Variants in NOL4L observed in about 807,000 individuals in gnomAD.
The protein encoded by NOL4L is nucleolar protein 4-like.
Under a neutral mutation model 64.5 loss-of-function variants are expected in NOL4L, and 7 were observed. The observed-to-expected ratio is 0.11, with a 90% CI of 0.06 to 0.20. The LOEUF (loss-of-function observed/expected upper bound fraction) is 0.20, where lower values mean the gene tolerates loss of function less well. NOL4L is among the 10% of genes least tolerant of loss of function. The pLI, the probability that NOL4L is intolerant of heterozygous loss-of-function variation, is 1.00. For synonymous variants in NOL4L, 413 were observed against 401.0 expected (o/e 1.03, Z -0.36); for missense variants, 680 against 967.1 (o/e 0.70, Z 3.94).
At chr20:32,576,894 G>A (rs1269748174) in intron 1 of NOL4L, among the ~76,000 whole-genome samples, 1 of 152,200 alleles carries the variant, frequency 6.6e-6, no homozygotes, top group East Asian at 1.9e-4. Context: ...CTCACTAAAG[G>A]CGAGAGGGCA....
intron 1 of NOL4L, among the ~76,000 whole-genome samples, chr20:32,534,103 T>C (rs928610327): frequency 1.3e-5 from 2 of 152,222 alleles, no homozygotes; most frequent in Admixed American, 1.3e-4. Context: ...TGCCATTTAG[T>C]GTGCCACCAT....
At chr20:32,549,295 G>A (rs865844859) in intron 1 of NOL4L, among the ~76,000 whole-genome samples, 2 of 152,008 alleles carry the variant, frequency 1.3e-5, no homozygotes, top group African/African-American at 2.4e-5. Context: ...TTTTTTTAAC[G>A]GGCAAGGATC....
intron 1 of NOL4L, among the ~76,000 whole-genome samples, chr20:32,562,284 C>T (rs1979072995): frequency 6.6e-6 from 1 of 152,188 alleles, no homozygotes; most frequent in African/African-American, 2.4e-5. Context: ...GCTTCACTGT[C>T]TCAGCCACTA....
intron 4 of NOL4L, among the ~76,000 whole-genome samples, chr20:32,488,786 CCTTCCTTTCTTTCTTTCT>C (rs2016241151): frequency 5.5e-5 from 3 of 54,650 alleles, no homozygotes; most frequent in African/African-American, 4.1e-4. Flanking sequence ...TTCCTTCCTT[CCTTCCTTTCTTTCTTTCT>C]TTTTCTTTCT....
At chr20:32,578,814 T>C (rs1446388929) in intron 1 of NOL4L, among the ~76,000 whole-genome samples, 1 of 152,234 alleles carries the variant, frequency 6.6e-6, no homozygotes. Flanking sequence ...CCATAGGCCC[T>C]GGCCCCCTCA....
chr20:32,520,278 T>G (rs2017874173), intron 3 of NOL4L: 1 of 133,756 alleles, frequency 7.5e-6, no homozygotes, highest in South Asian at 2.4e-4. Context: ...AGAGCGAGAC[T>G]TTGTCTCAAA....
At chr20:32,551,749 A>G (rs1284532309) in intron 1 of NOL4L, among the ~76,000 whole-genome samples, 3 of 152,098 alleles carry the variant, frequency 2.0e-5, no homozygotes, top group African/African-American at 7.2e-5. Context: ...CAATGGTTGC[A>G]CATCTCTGAA....
In NOL4L at chr20:32,453,952, T is replaced by C. The variant is rs1250083907; in HGVS notation, c.1120-191A>G. ...TTCATCTGTGCAATGGGGACAGCAA[T>C]GCTACCACCTCCCTCCCTGGGCTGC... On this transcript the variant is annotated intron_variant, in intron 6 of 10. Transcript: ENST00000621426. The surrounding 1 kb of genome is among the most constrained non-coding windows in gnomAD (Gnocchi z 5.6). The C allele has an allele frequency of 1.7e-6, 1 of 603,492 alleles. No individual in the cohort carries two copies. Among genetic ancestry groups the C allele is most frequent in the Non-Finnish European group, 2.9e-6 (1 of 341,098 alleles). 37.4% of individuals were successfully genotyped at this position (603,492 alleles called of 1,614,324 possible).
rs386393630 is a variant in NOL4L at position 32,447,403 on chromosome 20, CAAAAAAAAA to C, written c.*184_*192del. The C allele has an allele frequency of 2.3e-3, 352 of 151,766 alleles. No individual in the cohort carries two copies. The highest frequency in any genetic ancestry group is 0.011 in the Middle Eastern group (6 of 570). The allele number at this position is 151,766 out of a possible 1,614,324, so 9.4% of individuals were successfully genotyped here. ...TCAGAGCACCCGTGTGGTGAGATTC[CAAAAAAAAA>C]AAAAAAAAAAAAAAAAAGTGTCCTT... is the stretch of plus-strand genomic sequence containing the variant. On this transcript the variant is annotated 3_prime_UTR_variant, in exon 11 of 11. Transcript: ENST00000621426.
At chr20:32,577,829 G>A (rs898512137) in intron 1 of NOL4L, among the ~76,000 whole-genome samples, 2 of 152,092 alleles carry the variant, frequency 1.3e-5, no homozygotes, top group African/African-American at 2.4e-5. Context: ...GGACTTGGCT[G>A]GGTGCCTCGT....
At chr20:32,552,918 C>T (rs1388985131) in intron 1 of NOL4L, among the ~76,000 whole-genome samples, 1 of 152,164 alleles carries the variant, frequency 6.6e-6, no homozygotes, top group Non-Finnish European at 1.5e-5. Flanking sequence ...GCAGGGGAAT[C>T]GCTTGAATCT....
rs750044337 is a variant in NOL4L at position 32,527,673 on chromosome 20, C to A, written c.477+85G>T. The A allele has an allele frequency of 2.4e-4, 339 of 1,442,038 alleles. 1 individual carries two copies. Among genetic ancestry groups the A allele is most frequent in the Non-Finnish European group, 3.0e-4 (326 of 1,080,304 alleles). 89.3% of individuals were successfully genotyped at this position (1,442,038 alleles called of 1,614,324 possible). ...CATCACGCCTCAGCTCCCTGCCCCG[C>A]CCCCCAAGCCCAACATGTGCGGAGC... On this transcript the variant is annotated intron_variant, in intron 2 of 10. Transcript: ENST00000621426.
At chr20:32,469,962 G>A (rs923806347) in intron 5 of NOL4L, among the ~76,000 whole-genome samples, 6 of 152,240 alleles carry the variant, frequency 3.9e-5, no homozygotes, top group Non-Finnish European at 4.4e-5. Context: ...TGCACAGTGC[G>A]GGAGCCCGTG....
At position 32,453,987 on chromosome 20, in the gene NOL4L, G is replaced by A; in HGVS notation, c.1120-226C>T. ...TCCCTCCCTGGGCTGCCGCAGGGAG[G>A]ACCGACTGCAATAGTGTATGCAGAG... On this transcript the variant is annotated intron_variant, in intron 6 of 10. Coordinates refer to ENST00000621426, the MANE Select transcript of NOL4L (RefSeq NM_001256798.2). This position sits in a 1 kb window ranked among gnomAD's most constrained non-coding sequence, Gnocchi z 5.6. 1.7e-6 allele frequency: 1 copy of A among 572,298 alleles called. No individual in the cohort carries two copies. Among genetic ancestry groups the A allele is most frequent in the Non-Finnish European group, 3.1e-6 (1 of 318,756 alleles). The allele number at this position is 572,298 out of a possible 1,614,324, so 35.5% of individuals were successfully genotyped here.
At chr20:32,563,291 G>C (rs1979208486) in intron 1 of NOL4L, among the ~76,000 whole-genome samples, 1 of 137,118 alleles carries the variant, frequency 7.3e-6, no homozygotes, top group South Asian at 2.5e-4. Context: ...GAGGGAGAGT[G>C]GGGAGGGAGG....
chr20:32,480,833 T>TG (rs1481916259), intron 4 of NOL4L, among the ~76,000 whole-genome samples: 1 of 152,040 alleles, frequency 6.6e-6, no homozygotes, highest in African/African-American at 2.4e-5. Flanking sequence ...CTGGGGGGTG[T>TG]GGGGTCCCAA....
intron 1 of NOL4L, among the ~76,000 whole-genome samples, chr20:32,528,431 C>T (rs996617788): frequency 6.6e-6 from 1 of 152,244 alleles, no homozygotes; most frequent in Non-Finnish European, 1.5e-5. Flanking sequence ...CTGCCCTCCC[C>T]ACTCCAGCAG....
chr20:32,564,806 G>A (rs1469760301), intron 1 of NOL4L, among the ~76,000 whole-genome samples: 3 of 152,264 alleles, frequency 2.0e-5, no homozygotes, highest in African/African-American at 7.2e-5. Context: ...GCCTCGGGGG[G>A]CTGAAGCAGG....
chr20:32,552,508 G>A (rs1005709185), intron 1 of NOL4L, among the ~76,000 whole-genome samples: 1 of 152,094 alleles, frequency 6.6e-6, no homozygotes, highest in South Asian at 2.1e-4. Flanking sequence ...CCAACATGGC[G>A]AAACTCTGTC....
Sources: allele counts gnomAD v4.1 joint callset (sites outside exome capture counted in the v4.1 genomes callset), GRCh38; gene constraint gnomAD v4.1.1; non-coding constraint Gnocchi (gnomAD v3.1); transcripts MANE v1.5; gene names NCBI Gene and HGNC (gene_info 2026-07-23, HGNC 2026-07-21).